CYFIP1: variants seen among roughly 807,000 people sequenced by gnomAD.
CYFIP1 encodes the protein cytoplasmic FMR1-interacting protein 1.
Under a neutral mutation model 163.5 loss-of-function variants are expected in CYFIP1, and 58 were observed. The ratio of observed to expected loss-of-function variants is 0.35; its 90% CI spans 0.29 to 0.44. The LOEUF (loss-of-function observed/expected upper bound fraction) is 0.44, where lower values mean the gene tolerates loss of function less well. CYFIP1 is among the 20% of genes least tolerant of loss of function. The pLI is 1.00. For synonymous variants in CYFIP1, 663 were observed against 660.7 expected, an observed-to-expected ratio of 1.00 and a Z score of -0.05; for missense variants, 1,338 against 1,653.8, an observed-to-expected ratio of 0.81 and a Z score of 3.31.
Position 22,926,022 on chromosome 15 carries a change from C to T in CYFIP1, c.1319G>A (p.Arg440His), listed in dbSNP as rs762607230. ...CTTCTCCTCGCTGGTGTAGTTGTAG[C>T]GCGTGGCACGCTCGTACTCTTCAGC... The part of the protein sequence containing the change: ...DSAEEYERAT[R>H]YNYTSEEKFA... The change falls in exon 13 of 31, where the codon CGC becomes CAC. Residue 440 changes from arginine (R) to histidine (H), a missense_variant. This residue lies in a region of CYFIP1 where 824 missense variants were observed against 995.7 expected (regional missense o/e 0.83). Coordinates refer to ENST00000617928, the MANE Select transcript of CYFIP1 (RefSeq NM_014608.6). The T allele has an allele frequency of 5.0e-6, 8 of 1,613,936 alleles. No individual in the cohort carries two copies. The highest frequency in any genetic ancestry group is 4.2e-6 in the Non-Finnish European group (5 of 1,179,914).
intron 4 of CYFIP1, 90 bp from the exon 5 acceptor site, chr15:22,944,749 T>C: frequency 6.6e-7 from 1 of 1,515,944 alleles, no homozygotes; most frequent in Middle Eastern, 1.7e-4. Flanking sequence ...CCCGCCCTGC[T>C]GTGGGGTGAG....
intron 6 of CYFIP1, among the ~76,000 whole-genome samples, chr15:22,942,582 G>A (rs80324366): frequency 0.022 from 3,338 of 152,184 alleles, 69 homozygotes; most frequent in Non-Finnish European, 0.029. Context: ...TGCCTCTTCC[G>A]CTCGTCTTGC....
intron 8 of CYFIP1, among the ~76,000 whole-genome samples, chr15:22,938,866 G>A (rs2097130650): frequency 6.8e-6 from 1 of 147,014 alleles, no homozygotes; most frequent in Non-Finnish European, 1.5e-5. Flanking sequence ...TTGTGCCACT[G>A]CACTCCAGCC....
intron 13 of CYFIP1, among the ~76,000 whole-genome samples, chr15:22,920,517 T>C (rs1370234385): frequency 1.3e-5 from 2 of 149,816 alleles, no homozygotes; most frequent in East Asian, 4.0e-4. Context: ...GTCTGACAAG[T>C]ACTTGAAACA....
At chr15:22,872,217 C>A (rs1207111177) in intron 30 of CYFIP1, among the ~76,000 whole-genome samples, 1 of 150,456 alleles carries the variant, frequency 6.6e-6, no homozygotes, top group African/African-American at 2.4e-5. Flanking sequence ...ATCACTTGAA[C>A]CTGGGCAGCA....
In CYFIP1 at chr15:22,873,470, C is replaced by T. The variant is rs143525878; in HGVS notation, c.3449+21G>A. The T allele has an allele frequency of 1.4e-4, 220 of 1,600,084 alleles. 1 individual carries two copies. The African/African-American group carries it at 2.8e-3, about 20-fold the overall frequency. On this transcript the variant is annotated intron_variant, in intron 29 of 30. Transcript: ENST00000617928. ...TCCTCCCCTCCTCTGGGGCTTTGTC[C>T]TGCTCTCAGCACACACTTACTCGAC...
intron 9 of CYFIP1, among the ~76,000 whole-genome samples, chr15:22,936,565 C>T (rs1258027759): frequency 6.6e-6 from 1 of 152,178 alleles, no homozygotes; most frequent in East Asian, 1.9e-4. Flanking sequence ...GAGATCAGGA[C>T]AGCTGTGCTG....
intron 1 of CYFIP1, among the ~76,000 whole-genome samples, chr15:22,962,392 CT>C (rs963136147): frequency 1.3e-4 from 17 of 133,582 alleles, no homozygotes; most frequent in African/African-American, 4.8e-4. Context: ...CTATATTCTT[CT>C]TTTTTTTCTT....
At chr15:22,978,706 C>T (rs892142668) in intron 1 of CYFIP1, among the ~76,000 whole-genome samples, 2 of 152,020 alleles carry the variant, frequency 1.3e-5, no homozygotes, top group African/African-American at 2.4e-5. Context: ...AGGCTGTATC[C>T]GAGAGCCACA....
chr15:22,956,502 G>T (rs1435742120), intron 1 of CYFIP1, among the ~76,000 whole-genome samples: 1 of 152,226 alleles, frequency 6.6e-6, no homozygotes, highest in Non-Finnish European at 1.5e-5. Flanking sequence ...GTGTGTATGT[G>T]TGTGAGTGTG....
At chr15:22,909,450 C>T (rs1252111661) in intron 20 of CYFIP1, 137 bp from the exon 21 acceptor site, 2 of 983,552 alleles carry the variant, frequency 2.0e-6, no homozygotes, top group Middle Eastern at 3.2e-4. Context: ...AGACCCATCT[C>T]CCCACATACA....
In CYFIP1 at chr15:22,914,721, C is replaced by T. The variant is rs1331303755; in HGVS notation, c.1985+5G>A. 2 of 1,608,056 alleles carry T rather than the reference C, an allele frequency of 1.2e-6. No individual in the cohort carries two copies. The highest frequency in any genetic ancestry group is 1.7e-6 in the Non-Finnish European group (2 of 1,176,850). ...AGGCTGGAGACAGGCCCGCAGGACA[C>T]GCACTCCATCATCGATGCCTCCTTG... On this transcript the variant is annotated splice_donor_5th_base_variant and intron_variant, in intron 17 of 30. Transcript: ENST00000617928.
chr15:22,939,579 A>C, intron 6 of CYFIP1, 72 bp from the exon 7 acceptor site: 2 of 1,027,828 alleles, frequency 1.9e-6, no homozygotes, highest in Non-Finnish European at 2.8e-6. Context: ...AAAAAAAAAA[A>C]AAGCCTGGTT....
In CYFIP1 at chr15:22,951,595, G is replaced by T. The variant is rs946466135; in HGVS notation, c.-6-4304C>A. ...TTTCTGCGGCCTGAACCCAGATAGT[G>T]CCAGGAGAGGCCTGGGGGCGTGTCC... On this transcript the variant is annotated intron_variant, in intron 1 of 30. Coordinates refer to ENST00000617928, the MANE Select transcript of CYFIP1 (RefSeq NM_014608.6). The T allele has an allele frequency of 3.9e-6, 5 of 1,267,668 alleles. No individual in the cohort carries two copies. In the African/African-American group the frequency reaches 6.1e-5, roughly 15 times the overall value. The allele number at this position is 1,267,668 out of a possible 1,614,324, so 78.5% of individuals were successfully genotyped here. A position where few individuals can be genotyped will look rare whatever the true frequency, so the allele number is the denominator to read the frequency against.
chr15:22,893,972 A>C (rs1025722977), intron 22 of CYFIP1, among the ~76,000 whole-genome samples: 1 of 152,158 alleles, frequency 6.6e-6, no homozygotes, highest in Admixed American at 6.6e-5. Flanking sequence ...CAGGAAGTAC[A>C]TTCCATCAGG....
At chr15:22,964,576 G>A (rs2062837739) in intron 1 of CYFIP1, among the ~76,000 whole-genome samples, 1 of 152,122 alleles carries the variant, frequency 6.6e-6, no homozygotes, top group African/African-American at 2.4e-5. Context: ...ACCAAGTGCA[G>A]CCGGCGAAGA....
At chr15:22,933,986 T>G in intron 9 of CYFIP1, 93 bp from the exon 10 acceptor site, 1 of 808,720 alleles carries the variant, frequency 1.2e-6, no homozygotes, top group Non-Finnish European at 2.0e-6. Context: ...AATAATTACT[T>G]CGGCTTGAAT....
intron 1 of CYFIP1, among the ~76,000 whole-genome samples, chr15:22,976,489 A>G (rs1015913843): frequency 6.1e-5 from 9 of 148,026 alleles, no homozygotes; most frequent in African/African-American, 1.9e-4. Context: ...TTGCTAGTAC[A>G]GTAGTCCCCA....
Position 22,892,935 on chromosome 15 carries a change from T to C in CYFIP1, c.2631A>G (p.Arg877=). 1 of 1,613,814 alleles carries C rather than the reference T, an allele frequency of 6.2e-7. No individual in the cohort carries two copies. The highest frequency in any genetic ancestry group is 1.3e-5 in the African/African-American group (1 of 75,018). ...TVLPFSQEFQ[R]DKQPNAQPQY... ...GAGGCTGTGCATTAGGCTGCTTATC[T>C]CTTTGAAATTCCTGAGAAAATGGTA... Residue 877 remains arginine, a synonymous_variant, in exon 23 of 31, where the codon AGA becomes AGG. Coordinates refer to ENST00000617928, the MANE Select transcript of CYFIP1 (RefSeq NM_014608.6).
Sources: gnomAD v4.1 joint callset for allele counts (sites outside exome capture counted in the v4.1 genomes callset) on GRCh38, gnomAD v4.1.1 for gene constraint, gnomAD v4.1.1 regional missense constraint, MANE v1.5 for transcripts, NCBI Gene and HGNC (gene_info 2026-07-23, HGNC 2026-07-21) for gene names.